ACOT7: variants seen among roughly 807,000 people sequenced by gnomAD.
ACOT7 encodes the protein cytosolic acyl coenzyme A thioester hydrolase.
ACOT7 carries 12 observed loss-of-function variants against 40.2 expected under a neutral mutation model. The ratio of observed to expected loss-of-function variants is 0.30; its 90% CI spans 0.19 to 0.48. The LOEUF (loss-of-function observed/expected upper bound fraction) is 0.48, where lower values mean the gene tolerates loss of function less well. Ranked by LOEUF, ACOT7 falls within the 20% of genes least tolerant of loss-of-function variation. The pLI, the probability that ACOT7 is intolerant of heterozygous loss-of-function variation, is 0.99. For synonymous variants in ACOT7, 228 were observed against 219.5 expected, an observed-to-expected ratio of 1.04 and a Z score of -0.34; for missense variants, 395 against 530.8, an observed-to-expected ratio of 0.74 and a Z score of 2.51.
At chr1:6,362,828 T>C (rs1403835953) in intron 1 of ACOT7, among the ~76,000 whole-genome samples, 1 of 152,086 alleles carries the variant, frequency 6.6e-6, no homozygotes, top group Non-Finnish European at 1.5e-5. Context: ...GGTGGGCAGA[T>C]GGCTAGAGCT....
rs540064357 is a variant in ACOT7, at chr1:6,381,772, C to T, written c.143+11485G>A. On this transcript the variant is annotated intron_variant, in intron 1 of 8. Transcript: ENST00000361521. ...TAAAATGTGGGATTAACCCAAGTGT[C>T]CATCCACAGATGATGGAATAAGCAA... Among the ~76,000 whole-genome samples, 3 of 151,950 alleles carry T rather than the reference C, an allele frequency of 2.0e-5. No homozygotes were observed. In the East Asian group the frequency reaches 5.8e-4, roughly 29 times the overall value.
At chr1:6,304,651 C>T (rs1028319913) in intron 6 of ACOT7, among the ~76,000 whole-genome samples, 9 of 133,148 alleles carry the variant, frequency 6.8e-5, no homozygotes, top group African/African-American at 2.2e-4. Context: ...CTTGCACCGC[C>T]CTTAATCCAT....
In ACOT7 at chr1:6,301,848, A is replaced by C. The variant is rs1211543627; in HGVS notation, c.713-6868T>G. On this transcript the variant is annotated intron_variant, in intron 6 of 8. Transcript: ENST00000361521. This position sits in a 1 kb window ranked among gnomAD's most constrained non-coding sequence, Gnocchi z 4.1. ...ACACTCAAAATGATCTTGCTGTGTG[A>C]GCTGGACGGTGACATTTACAGGGAC... Among the ~76,000 whole-genome samples the C allele has an allele frequency of 1.3e-5, 2 of 152,202 alleles. No individual in the cohort carries two copies. The highest frequency in any genetic ancestry group is 4.8e-5 in the African/African-American group (2 of 41,460).
At chr1:6,389,986 C>A (rs537679659) in intron 1 of ACOT7, among the ~76,000 whole-genome samples, 1 of 152,264 alleles carries the variant, frequency 6.6e-6, no homozygotes, top group East Asian at 1.9e-4. Context: ...TTGTTAAATT[C>A]ATGGGCTTGG....
chr1:6,381,336 G>C (rs1642330794), intron 1 of ACOT7, among the ~76,000 whole-genome samples: 1 of 151,518 alleles, frequency 6.6e-6, no homozygotes, highest in Non-Finnish European at 1.5e-5. Context: ...TTAATTTTCA[G>C]TTTTAAAAAA....
intron 3 of ACOT7, among the ~76,000 whole-genome samples, chr1:6,336,353 A>AAAAAAAC: frequency 6.6e-6 from 1 of 151,894 alleles, no homozygotes; most frequent in Non-Finnish European, 1.5e-5. Flanking sequence ...AAAAAAAAAA[A>AAAAAAAC]AAAAATCTCT....
rs1309846278 is a variant in ACOT7, at chr1:6,306,710, C to T, written c.713-11730G>A. 2.2e-5 allele frequency: 22 copies of T among 985,310 alleles called. No homozygotes were observed. The highest frequency in any genetic ancestry group is 2.7e-5 in the Non-Finnish European group (22 of 829,944). 61.0% of individuals were successfully genotyped at this position (985,310 alleles called of 1,614,324 possible). ...TCTTGATCCCCCTAGACCAGAAGTTCCTCAAGAGTAGGGAACAGCTCTTCG... is the reference window on the plus strand; with the variant it reads ...TCTTGATCCCCCTAGACCAGAAGTTTCTCAAGAGTAGGGAACAGCTCTTCG... On this transcript the variant is annotated intron_variant, in intron 6 of 8. Transcript: ENST00000361521. This position sits in a 1 kb window ranked among gnomAD's most constrained non-coding sequence, Gnocchi z 4.3.
chr1:6,383,513 T>TAA (rs1642386602), intron 1 of ACOT7, among the ~76,000 whole-genome samples: 1 of 150,030 alleles, frequency 6.7e-6, no homozygotes, highest in African/African-American at 2.5e-5. Context: ...TAACGGTAAA[T>TAA]TATATATTAT....
At chr1:6,313,414 G>A (rs4908877) in intron 6 of ACOT7, among the ~76,000 whole-genome samples, 10,193 of 152,184 alleles carry the variant, frequency 0.067, 392 homozygotes, top group Non-Finnish European at 0.088. Flanking sequence ...TGGAACAAAC[G>A]CTTCCAAGCC....
chr1:6,363,305 T>C (rs1314037175), intron 1 of ACOT7, among the ~76,000 whole-genome samples: 1 of 152,086 alleles, frequency 6.6e-6, no homozygotes, highest in African/African-American at 2.4e-5. Flanking sequence ...GTTCCAGCAG[T>C]AGCGTCAGTG....
rs556280936 is a variant in ACOT7 at position 6,355,848 on chromosome 1, G to A, written c.144-5982C>T. ...GCCTGTTCCGCAGCGGGAGTGAGGC[G>A]CCTGGAACAATTGAGGGGAGCCTGG... On this transcript the variant is annotated intron_variant, in intron 1 of 8. Coordinates refer to ENST00000361521, the MANE Select transcript of ACOT7 (RefSeq NM_007274.4). This position sits in a 1 kb window ranked among gnomAD's most constrained non-coding sequence, Gnocchi z 5.0. Among the ~76,000 whole-genome samples the A allele has an allele frequency of 1.5e-3, 231 of 152,218 alleles. No individual in the cohort carries two copies. Among genetic ancestry groups the A allele is most frequent in the Non-Finnish European group, 2.8e-3 (190 of 68,012 alleles).
In ACOT7 at chr1:6,385,231, C is replaced by T. The variant is rs1223065774; in HGVS notation, c.143+8026G>A. Among the ~76,000 whole-genome samples, 9 of 151,886 alleles carry T rather than the reference C, an allele frequency of 5.9e-5. 1 individual carries two copies. The highest frequency in any genetic ancestry group is 1.2e-4 in the Non-Finnish European group (8 of 67,896). ...GCCTTGATCTGCAGAGGCCCAGATTCCCACAGCCCAGGGTTGCCAGGTCAC... is the reference window on the plus strand; with the variant it reads ...GCCTTGATCTGCAGAGGCCCAGATTTCCACAGCCCAGGGTTGCCAGGTCAC... On this transcript the variant is annotated intron_variant, in intron 1 of 8. Coordinates refer to ENST00000361521, the MANE Select transcript of ACOT7 (RefSeq NM_007274.4).
chr1:6,267,925 C>T (rs1488258442), intron 8 of ACOT7, among the ~76,000 whole-genome samples: 1 of 152,140 alleles, frequency 6.6e-6, no homozygotes, highest in Non-Finnish European at 1.5e-5. Context: ...AGCAGAGTTG[C>T]GGGGACCAAA....
chr1:6,319,881 G>A (rs966480210), intron 5 of ACOT7, among the ~76,000 whole-genome samples: 6 of 152,240 alleles, frequency 3.9e-5, no homozygotes, highest in African/African-American at 1.4e-4. Context: ...GAGGGTGCGA[G>A]GGCTGGTGAA....
At chr1:6,364,618 G>A (rs1287152414) in intron 1 of ACOT7, among the ~76,000 whole-genome samples, 2 of 151,680 alleles carry the variant, frequency 1.3e-5, no homozygotes, top group Admixed American at 6.6e-5. Flanking sequence ...GGGAGGCCGA[G>A]GTGGGCAGAT....
In ACOT7 at chr1:6,338,621, G is replaced by A. The variant is rs898395768; in HGVS notation, c.418+812C>T. Among the ~76,000 whole-genome samples the A allele has an allele frequency of 2.0e-5, 3 of 152,186 alleles. No homozygotes were observed. Among genetic ancestry groups the A allele is most frequent in the African/African-American group, 2.4e-5 (1 of 41,452 alleles). ...GCATAATCGTGCTTGCTACCGGCCC[G>A]TCATGAGGAAGAGGACTCAAGCCCC... On this transcript the variant is annotated intron_variant, in intron 3 of 8. Transcript: ENST00000361521. The surrounding 1 kb of genome is among the most constrained non-coding windows in gnomAD (Gnocchi z 4.4).
At position 6,282,641 on chromosome 1, in the gene ACOT7, G is replaced by T; in HGVS notation, c.830-1355C>A. On this transcript the variant is annotated intron_variant, in intron 7 of 8. Coordinates refer to ENST00000361521, the MANE Select transcript of ACOT7 (RefSeq NM_007274.4). The surrounding 1 kb of genome is among the most constrained non-coding windows in gnomAD (Gnocchi z 4.5). ...GGCCAGGTGGTGGCTGTTGGAGGGC[G>T]GTTAGCAGGCCAGAGGCAAGAGCGG... The T allele has an allele frequency of 8.9e-7, 1 of 1,126,600 alleles. No homozygotes were observed. The highest frequency in any genetic ancestry group is 1.2e-6 in the Non-Finnish European group (1 of 829,910). 69.8% of individuals were successfully genotyped at this position (1,126,600 alleles called of 1,614,324 possible). A position where few individuals can be genotyped will look rare whatever the true frequency, so the allele number is the denominator to read the frequency against.
Position 6,274,071 on chromosome 1 carries a change from C to A in ACOT7, c.1014+7031G>T, listed in dbSNP as rs956738369. On this transcript the variant is annotated intron_variant, in intron 8 of 8. Coordinates refer to ENST00000361521, the MANE Select transcript of ACOT7 (RefSeq NM_007274.4). This position sits in a 1 kb window ranked among gnomAD's most constrained non-coding sequence, Gnocchi z 5.9. ...TTCTTCGAGAGGAACGGGGCCCATG[C>A]GAGGACCCCAGGCCCCTCTGCACAC... is the stretch of plus-strand genomic sequence containing the variant. 2.0e-5 allele frequency among the ~76,000 whole-genome samples: 3 copies of A among 152,174 alleles called. No homozygotes were observed. The highest frequency in any genetic ancestry group is 4.4e-5 in the Non-Finnish European group (3 of 68,024).
At chr1:6,280,958 G>C (rs1293789923) in intron 8 of ACOT7, 144 bp downstream of exon 8, 2 of 1,157,632 alleles carry the variant, frequency 1.7e-6, no homozygotes, top group Non-Finnish European at 2.4e-6. Flanking sequence ...CACCGGTCAC[G>C]GCAGTGGCCA....
Sources: gnomAD v4.1 joint callset for allele counts (sites outside exome capture counted in the v4.1 genomes callset) on GRCh38, gnomAD v4.1.1 for gene constraint, Gnocchi (gnomAD v3.1) non-coding constraint, MANE v1.5 for transcripts, NCBI Gene and HGNC (gene_info 2026-07-23, HGNC 2026-07-21) for gene names.